Variants in TSPAN16 observed in about 807,000 individuals in gnomAD.
The protein encoded by TSPAN16 is tetraspanin 16, also known as tetraspanin-16.
Under a neutral mutation model 25.2 loss-of-function variants are expected in TSPAN16, and 23 were observed. The observed-to-expected ratio is 0.91, with a 90% CI of 0.66 to 1.29. TSPAN16 has a LOEUF of 1.29. TSPAN16 is among the 50% of genes most tolerant of loss of function. The pLI is 0.00. For synonymous variants in TSPAN16, 123 were observed against 124.4 expected (o/e 0.99, Z 0.08); for missense variants, 272 against 299.9 (o/e 0.91, Z 0.69).
intron 5 of TSPAN16, among the ~76,000 whole-genome samples, chr19:11,309,869 G>A (rs1004625851): frequency 2.6e-5 from 4 of 152,304 alleles, no homozygotes; most frequent in South Asian, 4.1e-4. Flanking sequence ...AGGAGGCCAA[G>A]GCAGGAGGAT....
intron 6 of TSPAN16, chr19:11,323,812 G>C (rs1260391715): frequency 6.6e-6 from 1 of 152,212 alleles, no homozygotes; most frequent in African/African-American, 2.4e-5. Flanking sequence ...TCAGGGACGT[G>C]GGAACATAAA....
chr19:11,319,189 GC>G (rs1430842477), downstream of TSPAN16, among the ~76,000 whole-genome samples: 5 of 152,302 alleles, frequency 3.3e-5, no homozygotes, highest in African/African-American at 1.2e-4. Context: ...GTCCAATGTG[GC>G]TACAAAGTCA....
chr19:11,323,632 A>G (rs556958215), intron 6 of TSPAN16: 95 of 152,324 alleles, frequency 6.2e-4, no homozygotes, highest in African/African-American at 2.2e-3. Context: ...CCAAAGTTCT[A>G]AGGGTAGCCT....
intron 1 of TSPAN16, 32 bp downstream of exon 1, chr19:11,296,398 G>C: frequency 6.2e-7 from 1 of 1,607,652 alleles, no homozygotes; most frequent in Non-Finnish European, 8.5e-7. Flanking sequence ...CCCCTGGTTT[G>C]TTGCAGCCCT....
chr19:11,300,118 G>A (rs1025176058), intron 3 of TSPAN16, among the ~76,000 whole-genome samples: 2 of 152,144 alleles, frequency 1.3e-5, no homozygotes, highest in African/African-American at 4.8e-5. Flanking sequence ...GGAAGGAGGC[G>A]GCTCTCTGGG....
intron 6 of TSPAN16, chr19:11,324,259 GAA>G: frequency 1.1e-4 from 11 of 102,542 alleles, no homozygotes; most frequent in South Asian, 6.6e-4. Flanking sequence ...ATCTCAAAAA[GAA>G]AAAAAAAAAA....
chr19:11,325,370 G>A (rs2080805802), intron 6 of TSPAN16: 2 of 1,439,088 alleles, frequency 1.4e-6, no homozygotes, highest in Non-Finnish European at 1.9e-6. Context: ...AGGCAGGAGA[G>A]GGGTGGGTGG....
downstream of TSPAN16, among the ~76,000 whole-genome samples, chr19:11,317,898 T>A (rs2147959780): frequency 6.6e-6 from 1 of 152,136 alleles, no homozygotes; most frequent in South Asian, 2.1e-4. Flanking sequence ...TGGTTTTGGT[T>A]ATTTACCCTG....
intron 4 of TSPAN16, among the ~76,000 whole-genome samples, chr19:11,302,515 T>G (rs1599331368): frequency 3.2e-5 from 3 of 93,512 alleles, no homozygotes; most frequent in African/African-American, 9.9e-5. Flanking sequence ...GGCAACAGAG[T>G]GAGGCTCCAT....
At position 11,301,029 on chromosome 19, in the gene TSPAN16, AC is replaced by A. The variant is rs1480802129; in HGVS notation, c.343-171del. 11 of 582,674 alleles carry A rather than the reference AC, an allele frequency of 1.9e-5. 1 individual carries two copies. In the Admixed American group the frequency reaches 3.2e-4, roughly 17 times the overall value. The allele number at this position is 582,674 out of a possible 1,614,324, so 36.1% of individuals were successfully genotyped here. On this transcript the variant is annotated intron_variant, in intron 3 of 6. Coordinates refer to ENST00000590327, the MANE Select transcript of TSPAN16 (RefSeq NM_001282509.2). ...TGTTTCCCTCTCTTGTGGTGGGGGC[AC>A]AGTAGCCTTCGTGTGTCTTCCTCTA...
rs2080477606 is a variant in TSPAN16 at position 11,296,333 on chromosome 19, G to A, written c.36G>A (p.Lys12=). ...AEIHTPYSSL[K]KLLSLLNGFV... is the part of the protein sequence containing the mutation. ...TCCACACTCCGTATTCTTCCTTGAA[G>A]AAACTGTTATCTTTACTCAATGGCT... Residue 12 remains lysine (K), a synonymous_variant, in exon 1 of 7, where the codon AAG becomes AAA. Transcript: ENST00000590327. 1 of 1,614,104 alleles carries A rather than the reference G, an allele frequency of 6.2e-7. No homozygotes were observed. Among genetic ancestry groups the A allele is most frequent in the Admixed American group, 1.7e-5 (1 of 59,982 alleles).
At chr19:11,304,164 C>G (rs1231699340) in intron 4 of TSPAN16, among the ~76,000 whole-genome samples, 1 of 151,542 alleles carries the variant, frequency 6.6e-6, no homozygotes, top group Non-Finnish European at 1.5e-5. Context: ...ATTTAAGGAG[C>G]AAGACTGGCC....
chr19:11,313,475 C>T (rs555696109), intron 6 of TSPAN16, among the ~76,000 whole-genome samples: 7 of 150,588 alleles, frequency 4.6e-5, no homozygotes, highest in African/African-American at 9.8e-5. Context: ...TACAGTGAGC[C>T]GAGATTGCAC....
chr19:11,303,571 ATAAAT>A (rs1397885760), intron 4 of TSPAN16, among the ~76,000 whole-genome samples: 4 of 121,858 alleles, frequency 3.3e-5, no homozygotes, highest in Non-Finnish European at 5.0e-5. Context: ...AAATAAATAA[ATAAAT>A]TAAAAAAAAA....
intron 1 of TSPAN16, among the ~76,000 whole-genome samples, chr19:11,297,721 T>C (rs1356138086): frequency 6.6e-6 from 1 of 152,158 alleles, no homozygotes; most frequent in African/African-American, 2.4e-5. Flanking sequence ...GGTCTCGAAC[T>C]CCTGACCTCA....
At chr19:11,297,869 G>A (rs2080496062) in intron 1 of TSPAN16, among the ~76,000 whole-genome samples, 1 of 152,092 alleles carries the variant, frequency 6.6e-6, no homozygotes, top group Non-Finnish European at 1.5e-5. Flanking sequence ...ATAGCTCACT[G>A]CAGTCTCAAC....
downstream of TSPAN16, chr19:11,315,968 T>G: frequency 8.1e-7 from 1 of 1,227,272 alleles, no homozygotes; most frequent in Middle Eastern, 3.1e-4. Context: ...GGGAACCCCC[T>G]GTCCAGCCTG....
intron 5 of TSPAN16, among the ~76,000 whole-genome samples, chr19:11,309,475 T>C (rs1378331093): frequency 6.6e-6 from 1 of 152,228 alleles, no homozygotes; most frequent in Non-Finnish European, 1.5e-5. Flanking sequence ...GGCACATGCC[T>C]GCCTCACCGC....
intron 5 of TSPAN16, among the ~76,000 whole-genome samples, chr19:11,309,217 CA>C (rs112897054): frequency 0.12 from 13,182 of 106,518 alleles, 751 homozygotes; most frequent in African/African-American, 0.22. Flanking sequence ...CTAAAATAGA[CA>C]AAAAAAAAAA....
Sources: allele counts gnomAD v4.1 joint callset (sites outside exome capture counted in the v4.1 genomes callset), GRCh38; gene constraint gnomAD v4.1.1; transcripts MANE v1.5; gene names NCBI Gene and HGNC (gene_info 2026-07-23, HGNC 2026-07-21).